Variants in CDYL2 observed in about 807,000 individuals in gnomAD.
CDYL2 encodes the protein chromodomain Y like 2, also known as chromodomain Y-like protein 2.
Under a neutral mutation model 49.4 loss-of-function variants are expected in CDYL2, and 23 were observed. The ratio of observed to expected loss-of-function variants is 0.47; its 90% CI spans 0.34 to 0.66. The LOEUF is 0.66. CDYL2 is among the 30% of genes least tolerant of loss of function. The pLI is 0.01. For synonymous variants in CDYL2, 360 were observed against 268.8 expected (o/e 1.34, Z -3.32); for missense variants, 678 against 656.4 (o/e 1.03, Z -0.36).
intron 2 of CDYL2, among the ~76,000 whole-genome samples, chr16:80,671,698 T>C (rs1909515630): frequency 6.6e-6 from 1 of 152,134 alleles, no homozygotes; most frequent in African/African-American, 2.4e-5. Flanking sequence ...GAAATGCAAA[T>C]AAACGATACC....
chr16:80,659,839 A>G (rs1908969451), intron 2 of CDYL2, among the ~76,000 whole-genome samples: 1 of 152,118 alleles, frequency 6.6e-6, no homozygotes, highest in Admixed American at 6.5e-5. Flanking sequence ...TTTTTGTAGA[A>G]CTCAAAAAGA....
intron 1 of CDYL2, among the ~76,000 whole-genome samples, chr16:80,685,675 C>G (rs889934914): frequency 3.9e-5 from 6 of 152,202 alleles, no homozygotes; most frequent in African/African-American, 1.2e-4. Flanking sequence ...ACTCTCCCAT[C>G]TCATTTTCTC....
chr16:80,697,904 T>C (rs1904282352), intron 1 of CDYL2, among the ~76,000 whole-genome samples: 1 of 151,884 alleles, frequency 6.6e-6, no homozygotes, highest in South Asian at 2.1e-4. Flanking sequence ...AAAGATAAGA[T>C]TAAAAAAATG....
rs1249050140 is a variant in CDYL2, at chr16:80,603,906, G to C, written c.*482C>G. 1.3e-5 allele frequency: 2 copies of C among 159,556 alleles called. No homozygotes were observed. The highest frequency in any genetic ancestry group is 4.8e-5 in the African/African-American group (2 of 41,634). 9.9% of individuals were successfully genotyped at this position (159,556 alleles called of 1,614,324 possible). On this transcript the variant is annotated 3_prime_UTR_variant, in exon 7 of 7. Transcript: ENST00000570137. ...TGCGTCGGAAAGGAGACTGAGGCCA[G>C]GTGTGCACAATCATTTTGCTCATTG...
At chr16:80,800,184 G>A (rs1907883558) in intron 1 of CDYL2, among the ~76,000 whole-genome samples, 1 of 152,190 alleles carries the variant, frequency 6.6e-6, no homozygotes, top group Non-Finnish European at 1.5e-5. Context: ...CTAGCTTCAA[G>A]AACCACTATG....
intron 1 of CDYL2, among the ~76,000 whole-genome samples, chr16:80,704,920 G>A (rs1311024208): frequency 6.6e-6 from 1 of 152,186 alleles, no homozygotes; most frequent in Non-Finnish European, 1.5e-5. Flanking sequence ...AGCCACCCAG[G>A]GGTATGGCAG....
At chr16:80,705,408 C>G (rs1221205803) in intron 1 of CDYL2, among the ~76,000 whole-genome samples, 3 of 152,230 alleles carry the variant, frequency 2.0e-5, no homozygotes, top group African/African-American at 4.8e-5. Flanking sequence ...CCCAAGAACT[C>G]CTCCACCTGC....
intron 1 of CDYL2, among the ~76,000 whole-genome samples, chr16:80,756,707 A>T (rs1906322365): frequency 6.6e-6 from 1 of 152,120 alleles, no homozygotes; most frequent in Admixed American, 6.5e-5. Context: ...ACACACTAAA[A>T]CCACAGTCCA....
At chr16:80,707,947 A>G (rs1904461993) in intron 1 of CDYL2, among the ~76,000 whole-genome samples, 1 of 152,210 alleles carries the variant, frequency 6.6e-6, no homozygotes, top group Non-Finnish European at 1.5e-5. Flanking sequence ...TGGGTTACTA[A>G]GGGTAGATCA....
At chr16:80,721,784 C>A (rs1348501387) in intron 1 of CDYL2, among the ~76,000 whole-genome samples, 1 of 152,200 alleles carries the variant, frequency 6.6e-6, no homozygotes, top group African/African-American at 2.4e-5. Flanking sequence ...GAAGATACAG[C>A]TGCTCTGTCC....
chr16:80,758,567 T>G (rs1042216233), intron 1 of CDYL2, among the ~76,000 whole-genome samples: 1 of 134,560 alleles, frequency 7.4e-6, no homozygotes, highest in African/African-American at 2.8e-5. Context: ...TTTTTGTGAC[T>G]GAGTCCACAC....
intron 1 of CDYL2, among the ~76,000 whole-genome samples, chr16:80,765,345 G>A (rs554471299): frequency 6.6e-6 from 1 of 151,700 alleles, no homozygotes; most frequent in African/African-American, 2.4e-5. Flanking sequence ...CAGAAACGAC[G>A]AAAGACTAAA....
At chr16:80,770,386 G>A (rs1276321820) in intron 1 of CDYL2, among the ~76,000 whole-genome samples, 3 of 152,098 alleles carry the variant, frequency 2.0e-5, no homozygotes, top group Non-Finnish European at 4.4e-5. Context: ...GTTAGCATCA[G>A]ACTTCTCCTC....
At position 80,612,522 on chromosome 16, in the gene CDYL2, G is replaced by A. The variant is rs1906644004; in HGVS notation, c.1218+104C>T. 8.4e-7 allele frequency: 1 copy of A among 1,188,090 alleles called. No homozygotes were observed. The highest frequency in any genetic ancestry group is 1.5e-5 in the African/African-American group (1 of 65,152). 73.6% of individuals were successfully genotyped at this position (1,188,090 alleles called of 1,614,324 possible). On this transcript the variant is annotated intron_variant, in intron 5 of 6. Coordinates refer to ENST00000570137, the MANE Select transcript of CDYL2 (RefSeq NM_152342.4). This position sits in a 1 kb window ranked among gnomAD's most constrained non-coding sequence, Gnocchi z 5.0. ...CATGAGGCAGCCAAGCCAATCTGCAGGCTGACAACACCCTCAGGTTTCTAG... is the reference window on the plus strand; with the variant it reads ...CATGAGGCAGCCAAGCCAATCTGCAAGCTGACAACACCCTCAGGTTTCTAG...
intron 2 of CDYL2, among the ~76,000 whole-genome samples, chr16:80,641,593 C>T (rs1221421028): frequency 3.9e-5 from 6 of 151,924 alleles, no homozygotes; most frequent in Non-Finnish European, 8.8e-5. Context: ...TCATGTCCTT[C>T]GTAGGGACAT....
intron 1 of CDYL2, among the ~76,000 whole-genome samples, chr16:80,709,095 C>G (rs938033440): frequency 2.0e-4 from 30 of 152,168 alleles, no homozygotes; most frequent in Admixed American, 6.5e-4. Flanking sequence ...TTTGAAAATA[C>G]AAATTTAGCC....
chr16:80,690,314 G>C (rs1162781577), intron 1 of CDYL2, among the ~76,000 whole-genome samples: 1 of 151,820 alleles, frequency 6.6e-6, no homozygotes, highest in Admixed American at 6.6e-5. Flanking sequence ...AGAAGGACTG[G>C]AGCAGTGAGG....
chr16:80,724,941 C>G (rs1040493636), intron 1 of CDYL2, among the ~76,000 whole-genome samples: 4 of 152,192 alleles, frequency 2.6e-5, no homozygotes, highest in Non-Finnish European at 5.9e-5. Context: ...TGTCCTCAAA[C>G]CCTTTGGTGG....
intron 1 of CDYL2, among the ~76,000 whole-genome samples, chr16:80,697,839 CA>C (rs1269964163): frequency 2.0e-5 from 3 of 151,832 alleles, no homozygotes; most frequent in Non-Finnish European, 4.4e-5. Flanking sequence ...TAAATTTAAC[CA>C]AGGAGATGAA....
Sources: allele counts gnomAD v4.1 joint callset (sites outside exome capture counted in the v4.1 genomes callset), GRCh38; gene constraint gnomAD v4.1.1; non-coding constraint Gnocchi (gnomAD v3.1); transcripts MANE v1.5; gene names NCBI Gene and HGNC (gene_info 2026-07-23, HGNC 2026-07-21).